The following SNX6 variants were observed in gnomAD, a reference collection of about 807,000 sequenced individuals.
SNX6 encodes the protein sorting nexin-6.
Under a neutral mutation model 63.0 loss-of-function variants are expected in SNX6, and 34 were observed. The observed-to-expected ratio is 0.54, with a 90% confidence interval of 0.41 to 0.72. The LOEUF (loss-of-function observed/expected upper bound fraction) is 0.72. Ranked by LOEUF, SNX6 falls within the 30% of genes least tolerant of loss-of-function variation. The pLI, the probability that SNX6 is intolerant of heterozygous loss-of-function variation, is 0.00. For missense variants in SNX6, 398 were observed against 471.4 expected (o/e 0.84, Z 1.44); for synonymous variants, 170 against 164.2 (o/e 1.04, Z -0.27).
intron 5 of SNX6, 32 bp downstream of exon 5, chr14:34,605,564 A>C: frequency 6.6e-7 from 1 of 1,508,782 alleles, no homozygotes; most frequent in Non-Finnish European, 8.8e-7. Context: ...ACAACCAAAA[A>C]AAAAAAACAA....
intron 2 of SNX6, among the ~76,000 whole-genome samples, chr14:34,616,613 C>T (rs929585404): frequency 2.0e-5 from 3 of 152,080 alleles, no homozygotes; most frequent in African/African-American, 7.2e-5. Context: ...CTCCTGACCC[C>T]GTTTGGCTTC....
intron 2 of SNX6, among the ~76,000 whole-genome samples, chr14:34,619,366 G>A (rs1412190971): frequency 6.6e-6 from 1 of 151,970 alleles, no homozygotes; most frequent in Non-Finnish European, 1.5e-5. Context: ...AGGTTGCAGT[G>A]AGCTGATATC....
chr14:34,604,236 A>G lies in SNX6; in HGVS notation c.393-765T>C, dbSNP rs1375031451. 3 of 1,288,438 alleles carry G rather than the reference A, an allele frequency of 2.3e-6. No individual in the cohort carries two copies. The African/African-American group carries it at 4.6e-5, about 20-fold the overall frequency. 79.8% of individuals were successfully genotyped at this position (1,288,438 alleles called of 1,614,324 possible). On this transcript the variant is annotated intron_variant, in intron 5 of 13. Transcript: ENST00000362031. ...GGATGCAGAGGATGGAGGTAGCAGT[A>G]GAATAAACCCAAGGTTCTCTGTTAT...
rs1038875083 is a variant in SNX6 at position 34,577,628 on chromosome 14, G to A, written c.835-1786C>T. On this transcript the variant is annotated intron_variant, in intron 10 of 13. Transcript: ENST00000362031. Reference sequence around the variant, plus strand: ...TAAAAAGATAGCTCTTCAGTATGACGGGACAGAGGATGAAAAGAAATTTAT... The same window carrying A: ...TAAAAAGATAGCTCTTCAGTATGACAGGACAGAGGATGAAAAGAAATTTAT... Among the ~76,000 whole-genome samples, 15 of 152,140 alleles carry A rather than the reference G, an allele frequency of 9.9e-5. 1 individual carries two copies. Among genetic ancestry groups the A allele is most frequent in the African/African-American group, 1.4e-4 (6 of 41,528 alleles).
Position 34,581,591 on chromosome 14 carries a change from G to A in SNX6, c.804C>T (p.Leu268=). 6.8e-7 allele frequency: 1 copy of A among 1,479,452 alleles called. No homozygotes were observed. Among genetic ancestry groups the A allele is most frequent in the Non-Finnish European group, 9.4e-7 (1 of 1,064,654 alleles). The allele number at this position is 1,479,452 out of a possible 1,614,324, so 91.6% of individuals were successfully genotyped here. ...TTTTATCGAACAGTTCTGAAACTTT[G>A]AGAAAAAACCTGGAAAGGAAAATAT... The part of the protein sequence containing the change: ...QDSTDICKFF[L]KVSELFDKTR... Residue 268 remains leucine, a synonymous_variant, in exon 10 of 14, where the codon CTC becomes CTT. Coordinates refer to ENST00000362031, the MANE Select transcript of SNX6 (RefSeq NM_152233.4).
At chr14:34,591,458 G>A (rs1469484689) in intron 8 of SNX6, among the ~76,000 whole-genome samples, 1 of 152,112 alleles carries the variant, frequency 6.6e-6, no homozygotes, top group Non-Finnish European at 1.5e-5. Context: ...CGGGCACGGT[G>A]GCAGGCGCCT....
chr14:34,572,971 C>CAT (rs1881517844), intron 11 of SNX6, among the ~76,000 whole-genome samples: 1 of 151,812 alleles, frequency 6.6e-6, no homozygotes, highest in African/African-American at 2.4e-5. Context: ...TGTGAGCCAC[C>CAT]GCACCTGGCC....
intron 2 of SNX6, among the ~76,000 whole-genome samples, chr14:34,614,321 T>A (rs1001228810): frequency 8.6e-5 from 13 of 151,528 alleles, no homozygotes; most frequent in African/African-American, 3.2e-4. Context: ...GGGACACACC[T>A]GTAGTCCCAG....
At chr14:34,622,747 C>A (rs1883674506) in intron 2 of SNX6, among the ~76,000 whole-genome samples, 1 of 152,102 alleles carries the variant, frequency 6.6e-6, no homozygotes, top group Non-Finnish European at 1.5e-5. Context: ...GGAAAGCAGA[C>A]CAATAGCACA....
At chr14:34,586,344 T>C (rs142970113) in intron 8 of SNX6, 39 bp from the exon 9 acceptor site, 260 of 1,336,742 alleles carry the variant, frequency 1.9e-4, no homozygotes, top group Non-Finnish European at 2.6e-4. Flanking sequence ...TACCTATTCA[T>C]AGATTTAAAA....
chr14:34,621,951 C>CTTTTTTTTTTTT (rs1037764907), intron 2 of SNX6, among the ~76,000 whole-genome samples: 19 of 77,418 alleles, frequency 2.5e-4, no homozygotes, highest in East Asian at 7.3e-4. Context: ...CATGTCTTTC[C>CTTTTTTTTTTTT]TTTTTTTTTT....
intron 11 of SNX6, among the ~76,000 whole-genome samples, chr14:34,571,174 C>A (rs1881435780): frequency 6.6e-6 from 1 of 151,996 alleles, no homozygotes; most frequent in Admixed American, 6.6e-5. Context: ...TGGCTCACGT[C>A]TGTAATCCCA....
At chr14:34,563,314 T>C in intron 13 of SNX6, 139 bp from the exon 14 acceptor site, 1 of 713,402 alleles carries the variant, frequency 1.4e-6, no homozygotes. Flanking sequence ...ATCCCAGCAC[T>C]CTGGGAGGCC....
chr14:34,600,270 AAGCGCCACC>A (rs1455843980), intron 6 of SNX6, among the ~76,000 whole-genome samples: 3 of 152,210 alleles, frequency 2.0e-5, no homozygotes, highest in African/African-American at 7.2e-5. Context: ...GATTACAGGC[AAGCGCCACC>A]ACGTCCAGCT....
intron 11 of SNX6, among the ~76,000 whole-genome samples, chr14:34,569,976 G>A (rs1290695682): frequency 6.6e-6 from 1 of 152,014 alleles, no homozygotes; most frequent in Non-Finnish European, 1.5e-5. Flanking sequence ...CATAGTGGCT[G>A]AACATTTTAC....
At chr14:34,577,583 G>C (rs1881760595) in intron 10 of SNX6, among the ~76,000 whole-genome samples, 2 of 152,086 alleles carry the variant, frequency 1.3e-5, no homozygotes, top group African/African-American at 2.4e-5. Context: ...GAGATGGAAG[G>C]GGAAGTAGCC....
chr14:34,596,908 A>G (rs1882627354), intron 7 of SNX6, among the ~76,000 whole-genome samples: 1 of 152,016 alleles, frequency 6.6e-6, no homozygotes, highest in African/African-American at 2.4e-5. Context: ...CTGACCTCAA[A>G]TGATCCACCC....
chr14:34,602,709 G>C (rs776088283), intron 6 of SNX6, among the ~76,000 whole-genome samples: 3 of 152,138 alleles, frequency 2.0e-5, no homozygotes, highest in African/African-American at 7.2e-5. Context: ...GGGCACGGTG[G>C]CTTATGCCTG....
intron 2 of SNX6, among the ~76,000 whole-genome samples, chr14:34,625,119 G>A (rs753095677): frequency 6.6e-6 from 1 of 151,958 alleles, no homozygotes; most frequent in Non-Finnish European, 1.5e-5. Flanking sequence ...GTTTCACTAT[G>A]TTGGTCAGGC....
Sources: gnomAD v4.1 joint callset for allele counts (sites outside exome capture counted in the v4.1 genomes callset) on GRCh38, gnomAD v4.1.1 for gene constraint, MANE v1.5 for transcripts, NCBI Gene and HGNC (gene_info 2026-07-23, HGNC 2026-07-21) for gene names.